The following ART3 variants were observed in gnomAD, a reference collection of about 807,000 sequenced individuals.
The protein encoded by ART3 is ADP-ribosyltransferase 3 (inactive).
In ART3, 49 loss-of-function variants were observed where a neutral mutation model predicts 48.5. The ratio of observed to expected loss-of-function variants is 1.01; its 90% CI spans 0.80 to 1.28. ART3 has a LOEUF of 1.28. ART3 is among the 50% of genes most tolerant of loss of function. The pLI is 0.00. For synonymous variants in ART3, 145 were observed against 157.2 expected, an observed-to-expected ratio of 0.92 and a Z score of 0.58; for missense variants, 438 against 454.3, an observed-to-expected ratio of 0.96 and a Z score of 0.33.
intron 2 of ART3, among the ~76,000 whole-genome samples, chr4:76,078,183 G>A (rs554032661): frequency 2.0e-5 from 3 of 151,736 alleles, no homozygotes; most frequent in Admixed American, 6.6e-5. Context: ...AATAGTGGTG[G>A]CATTTATGAA....
intron 1 of ART3, among the ~76,000 whole-genome samples, chr4:76,020,042 G>C (rs947684796): frequency 6.6e-6 from 1 of 151,982 alleles, no homozygotes; most frequent in Admixed American, 6.6e-5. Flanking sequence ...GATTACAAAT[G>C]AGGTTGAACA....
chr4:76,063,398 A>C (rs1719421176), intron 1 of ART3, among the ~76,000 whole-genome samples: 1 of 152,196 alleles, frequency 6.6e-6, no homozygotes, highest in South Asian at 2.1e-4. Context: ...AATCTCTCTT[A>C]ACTAGGTCTT....
chr4:76,084,360 T>C (rs1723114532), intron 3 of ART3, among the ~76,000 whole-genome samples: 1 of 152,226 alleles, frequency 6.6e-6, no homozygotes, highest in African/African-American at 2.4e-5. Flanking sequence ...TTTCTAAGTC[T>C]CTGCATCTCT....
At chr4:76,077,626 T>A (rs1367634390) in intron 2 of ART3, among the ~76,000 whole-genome samples, 1 of 152,246 alleles carries the variant, frequency 6.6e-6, no homozygotes, top group Non-Finnish European at 1.5e-5. Flanking sequence ...AGGAAATATA[T>A]ATGTAAGAAT....
At chr4:76,099,083 C>A (rs1726682676) in intron 5 of ART3, 96 bp downstream of exon 5, 1 of 1,146,026 alleles carries the variant, frequency 8.7e-7, no homozygotes, top group Non-Finnish European at 1.3e-6. Flanking sequence ...GAGTGGATCA[C>A]TTGAGCCCAG....
chr4:76,016,488 C>A (rs75941444), intron 1 of ART3, among the ~76,000 whole-genome samples: 3,853 of 152,224 alleles, frequency 0.025, 150 homozygotes, highest in African/African-American at 0.086. Flanking sequence ...CACCTGTGGC[C>A]ACCACCACTG....
At chr4:76,072,709 G>A (rs1720444583), upstream of ART3, among the ~76,000 whole-genome samples, 1 of 126,414 alleles carries the variant, frequency 7.9e-6, no homozygotes, top group South Asian at 2.2e-4. Context: ...TGTTCTTACA[G>A]TGGCCTGCAG....
At chr4:76,110,956 A>T (rs1275121989) in intron 11 of ART3, among the ~76,000 whole-genome samples, 1 of 152,218 alleles carries the variant, frequency 6.6e-6, no homozygotes, top group Admixed American at 6.5e-5. Flanking sequence ...GTTAGTATTT[A>T]TCCAAATTTG....
intron 1 of ART3, among the ~76,000 whole-genome samples, chr4:76,058,431 G>A (rs1007079790): frequency 1.3e-5 from 2 of 152,124 alleles, no homozygotes; most frequent in African/African-American, 4.8e-5. Flanking sequence ...GTTTCACAAG[G>A]TACTGGTTGC....
chr4:76,042,903 T>C (rs1735110368), intron 1 of ART3, among the ~76,000 whole-genome samples: 1 of 151,990 alleles, frequency 6.6e-6, no homozygotes, highest in Non-Finnish European at 1.5e-5. Flanking sequence ...CACGTCCTGC[T>C]GATTGGTAGA....
At chr4:76,076,149 C>G (rs1346898672) in intron 2 of ART3, among the ~76,000 whole-genome samples, 191 bp downstream of exon 2, 1 of 152,046 alleles carries the variant, frequency 6.6e-6, no homozygotes, top group Non-Finnish European at 1.5e-5. Context: ...GGACTACAGG[C>G]GCCTGCCACC....
intron 11 of ART3, among the ~76,000 whole-genome samples, chr4:76,110,463 T>G (rs1729273119): frequency 6.6e-6 from 1 of 152,198 alleles, no homozygotes; most frequent in African/African-American, 2.4e-5. Flanking sequence ...CAAAGGATAC[T>G]GAGGGATGAC....
chr4:76,065,552 A>AACACACACATACAC (rs1719649051), intron 1 of ART3, among the ~76,000 whole-genome samples: 1 of 145,294 alleles, frequency 6.9e-6, no homozygotes, highest in African/African-American at 2.6e-5. Flanking sequence ...ATAACCCTCC[A>AACACACACATACAC]ACACACACAC....
chr4:76,029,304 A>G (rs1422582197), intron 1 of ART3, among the ~76,000 whole-genome samples: 1 of 152,202 alleles, frequency 6.6e-6, no homozygotes, highest in Non-Finnish European at 1.5e-5. Flanking sequence ...GATTTATTAT[A>G]TAGAGTCTAT....
At chr4:76,016,604 C>A (rs1732283147) in intron 1 of ART3, among the ~76,000 whole-genome samples, 1 of 152,172 alleles carries the variant, frequency 6.6e-6, no homozygotes. Flanking sequence ...CAAGGCCCTA[C>A]AGCTCTACCA....
rs559788801 is a variant in ART3 at position 76,036,496 on chromosome 4, G to A, written c.-10+25176G>A. On this transcript the variant is annotated intron_variant, in intron 1 of 9. Coordinates refer to the ART3 transcript ENST00000341029. ...CTTTTCAGTCCAAACTCTTATAATA[G>A]ATAAGGCCTATATTATTTGACACCA... 4.6e-5 allele frequency among the ~76,000 whole-genome samples: 7 copies of A among 151,826 alleles called. No individual in the cohort carries two copies. In the South Asian group the frequency reaches 1.5e-3, roughly 32 times the overall value.
At chr4:76,094,834 A>G (rs1027819598) in intron 3 of ART3, among the ~76,000 whole-genome samples, 12 of 152,090 alleles carry the variant, frequency 7.9e-5, no homozygotes, top group Admixed American at 2.6e-4. Flanking sequence ...TCTCTCTGGT[A>G]CTCTGTCTAT....
At chr4:76,086,988 G>A (rs1305728269) in intron 3 of ART3, among the ~76,000 whole-genome samples, 1 of 152,194 alleles carries the variant, frequency 6.6e-6, no homozygotes, top group Non-Finnish European at 1.5e-5. Flanking sequence ...GCATAGCACA[G>A]CCAAAAACCC....
At chr4:76,112,309 T>G (rs1729645292) in intron 11 of ART3, 77 bp from the exon 12 acceptor site, 1 of 1,494,634 alleles carries the variant, frequency 6.7e-7, no homozygotes, top group African/African-American at 1.4e-5. Flanking sequence ...TGTTTACATA[T>G]TCAGGATATA....
Sources: allele counts gnomAD v4.1 joint callset (sites outside exome capture counted in the v4.1 genomes callset), GRCh38; gene constraint gnomAD v4.1.1; transcripts MANE v1.5; gene names NCBI Gene and HGNC (gene_info 2026-07-23, HGNC 2026-07-21).